The following HVCN1 variants were observed in gnomAD, a reference collection of about 807,000 sequenced individuals.
The protein encoded by HVCN1 is voltage-gated hydrogen channel 1.
Under a neutral mutation model 29.2 loss-of-function variants are expected in HVCN1, and 14 were observed. That is an observed-to-expected ratio of 0.48 (90% CI 0.32 to 0.75). The LOEUF (loss-of-function observed/expected upper bound fraction) is 0.75, where lower values mean the gene tolerates loss of function less well. HVCN1 is among the 30% of genes least tolerant of loss of function. HVCN1 has a pLI of 0.04. For missense variants in HVCN1, 263 were observed against 341.8 expected (o/e 0.77, Z 1.82); for synonymous variants, 131 against 133.2 (o/e 0.98, Z 0.11).
At chr12:110,677,996 A>G (rs758745089) in intron 3 of HVCN1, among the ~76,000 whole-genome samples, 5 of 152,252 alleles carry the variant, frequency 3.3e-5, no homozygotes, top group Non-Finnish European at 7.3e-5. Context: ...TAGGAACTGT[A>G]ATCATTCCAA....
chr12:110,680,585 CT>C (rs2068930714), intron 3 of HVCN1, among the ~76,000 whole-genome samples: 1 of 152,216 alleles, frequency 6.6e-6, no homozygotes, highest in Non-Finnish European at 1.5e-5. Flanking sequence ...CCATCTACCT[CT>C]TTCTCTCCCA....
At chr12:110,686,647 A>G (rs1484007530) in intron 2 of HVCN1, among the ~76,000 whole-genome samples, 1 of 152,232 alleles carries the variant, frequency 6.6e-6, no homozygotes, top group Non-Finnish European at 1.5e-5. Context: ...TTCAAGCAAC[A>G]GAAACTTTAA....
intron 3 of HVCN1, among the ~76,000 whole-genome samples, chr12:110,666,388 A>G (rs1351684852): frequency 6.6e-6 from 1 of 152,154 alleles, no homozygotes; most frequent in Admixed American, 6.5e-5. Flanking sequence ...GTGCCACTGC[A>G]CTCCAGCCTG....
At chr12:110,698,979 T>G (rs2069533446) in intron 2 of HVCN1, among the ~76,000 whole-genome samples, 1 of 152,028 alleles carries the variant, frequency 6.6e-6, no homozygotes, top group Non-Finnish European at 1.5e-5. Context: ...AATACAAAAA[T>G]TAGCCGGGCA....
rs763287076 is a variant in HVCN1 at position 110,651,305 on chromosome 12, G to C, written c.555C>G (p.Asp185Glu). ...GGTGCTCCTGGAACAGGAGGACAATGTCGAGGATGAATGAGACCACCACCA... is the reference window on the plus strand; with the variant it reads ...GGTGCTCCTGGAACAGGAGGACAATCTCGAGGATGAATGAGACCACCACCA... ...AVVVVVSFILDIVLLFQEHQF... is the reference protein window; with the variant it reads ...AVVVVVSFILEIVLLFQEHQF... Residue 185 changes from aspartate (D) to glutamate (E), a missense_variant, in exon 6 of 8, where the codon GAC (aspartate) becomes GAG (glutamate). Physicochemically the swap from Asp to Glu is conservative, Grantham distance 45 (BLOSUM62 2). Around this residue, in one of 3 missense-constraint regions of HVCN1, gnomAD observed 55 missense variants for 109.4 expected, o/e 0.50. Transcript: ENST00000242607. 16 of 1,614,058 alleles carry C rather than the reference G, an allele frequency of 9.9e-6. No individual in the cohort carries two copies. In the Admixed American group the frequency reaches 2.7e-4, roughly 27 times the overall value.
At chr12:110,693,029 C>A (rs2136500826), upstream of HVCN1, among the ~76,000 whole-genome samples, 1 of 152,052 alleles carries the variant, frequency 6.6e-6, no homozygotes, top group Middle Eastern at 3.4e-3. Context: ...CTGTACCCAG[C>A]TAATTTATTA....
chr12:110,661,463 C>A lies in HVCN1; in HGVS notation c.22-15G>T. On this transcript the variant is annotated splice_polypyrimidine_tract_variant and intron_variant, in intron 3 of 7. Transcript: ENST00000242607. The surrounding 1 kb of genome is among the most constrained non-coding windows in gnomAD (Gnocchi z 6.2). ...CGGGTGACTGCCTAGAAGGCGGGGA[C>A]AGAGAGCAAGAGCTTCAGGCAGTTG... The A allele has an allele frequency of 6.2e-7, 1 of 1,611,540 alleles. No individual in the cohort carries two copies. Among genetic ancestry groups the A allele is most frequent in the Non-Finnish European group, 8.5e-7 (1 of 1,178,310 alleles).
At position 110,658,978 on chromosome 12, in the gene HVCN1, G is replaced by C. The variant is rs1359371265; in HGVS notation, c.306+2186C>G. Reference sequence around the variant, plus strand: ...GGATATCCTGATGGGGCGGCCCAGGGCTCCCCTTGCAGCTGCAAGGAAGCT... The same window carrying C: ...GGATATCCTGATGGGGCGGCCCAGGCCTCCCCTTGCAGCTGCAAGGAAGCT... On this transcript the variant is annotated intron_variant, in intron 4 of 7. Transcript: ENST00000242607. This position sits in a 1 kb window ranked among gnomAD's most constrained non-coding sequence, Gnocchi z 5.0. Among the ~76,000 whole-genome samples the C allele has an allele frequency of 5.9e-5, 9 of 152,320 alleles. No homozygotes were observed. The highest frequency in any genetic ancestry group is 2.2e-4 in the African/African-American group (9 of 41,586).
At chr12:110,656,197 C>T (rs751541538) in intron 4 of HVCN1, among the ~76,000 whole-genome samples, 8 of 152,156 alleles carry the variant, frequency 5.3e-5, no homozygotes, top group Non-Finnish European at 8.8e-5. Flanking sequence ...CCTGGAGATG[C>T]GAGGTACCTG....
upstream of HVCN1, among the ~76,000 whole-genome samples, chr12:110,693,266 A>G (rs1168500699): frequency 6.6e-6 from 1 of 152,152 alleles, no homozygotes; most frequent in Non-Finnish European, 1.5e-5. Context: ...CTAACTGGCC[A>G]GGCGCGGTGG....
rs1391073743 is a variant in HVCN1 at position 110,661,531 on chromosome 12, C to T, written c.22-83G>A. ...TGGCCCAGGCCGGGCCAGGCCACTG[C>T]AGGTGAAGATGGTCCCGGGTGCGTA... On this transcript the variant is annotated intron_variant, in intron 3 of 7. Transcript: ENST00000242607. This position sits in a 1 kb window ranked among gnomAD's most constrained non-coding sequence, Gnocchi z 6.2. The T allele has an allele frequency of 1.4e-6, 2 of 1,388,608 alleles. No individual in the cohort carries two copies. Among genetic ancestry groups the T allele is most frequent in the African/African-American group, 2.8e-5 (2 of 70,386 alleles). The allele number at this position is 1,388,608 out of a possible 1,614,324, so 86.0% of individuals were successfully genotyped here.
intron 2 of HVCN1, among the ~76,000 whole-genome samples, chr12:110,684,586 G>T (rs775690791): frequency 6.6e-6 from 1 of 152,158 alleles, no homozygotes; most frequent in Non-Finnish European, 1.5e-5. Context: ...TAAGTCAAAA[G>T]AAATACAGAT....
chr12:110,665,109 T>A (rs1233944629), intron 3 of HVCN1, among the ~76,000 whole-genome samples: 1 of 152,108 alleles, frequency 6.6e-6, no homozygotes, highest in Non-Finnish European at 1.5e-5. Context: ...CCAAGTAAAT[T>A]TACTGCCTGT....
chr12:110,652,689 A>G (rs1213017904), intron 5 of HVCN1, among the ~76,000 whole-genome samples: 2 of 152,264 alleles, frequency 1.3e-5, no homozygotes, highest in Non-Finnish European at 2.9e-5. Context: ...ATGGGAAAAC[A>G]GGGAAGTGCT....
chr12:110,674,589 T>G (rs1200447018), intron 3 of HVCN1, among the ~76,000 whole-genome samples: 1 of 152,178 alleles, frequency 6.6e-6, no homozygotes. Flanking sequence ...GGGAGGTAAT[T>G]GAATCATGGG....
intron 3 of HVCN1, among the ~76,000 whole-genome samples, chr12:110,665,911 C>A (rs2068329989): frequency 6.6e-6 from 1 of 151,580 alleles, no homozygotes; most frequent in Non-Finnish European, 1.5e-5. Flanking sequence ...GAGGCTGAGG[C>A]AGGAGAATCA....
chr12:110,702,370 A>G (rs1010692606), exon 2 of HVCN1: 2 of 152,200 alleles, frequency 1.3e-5, no homozygotes, highest in African/African-American at 2.4e-5. Flanking sequence ...GATGCTTGCA[A>G]ATAAGCATTT....
At position 110,661,705 on chromosome 12, in the gene HVCN1, A is replaced by G. The variant is rs1343319012; in HGVS notation, c.22-257T>C. Among the ~76,000 whole-genome samples the G allele has an allele frequency of 1.3e-5, 2 of 152,208 alleles. No homozygotes were observed. The highest frequency in any genetic ancestry group is 2.9e-5 in the Non-Finnish European group (2 of 68,036). Reference sequence around the variant, plus strand: ...GGTCTGGTTGGCAGTAACCAACGGAATCAGTACTGCAGCCCGGTCCCAAAA... The same window carrying G: ...GGTCTGGTTGGCAGTAACCAACGGAGTCAGTACTGCAGCCCGGTCCCAAAA... On this transcript the variant is annotated intron_variant, in intron 3 of 7. Coordinates refer to ENST00000242607, the MANE Select transcript of HVCN1 (RefSeq NM_032369.4). The surrounding 1 kb of genome is among the most constrained non-coding windows in gnomAD (Gnocchi z 6.2).
At chr12:110,657,015 C>T (rs931068974) in intron 4 of HVCN1, among the ~76,000 whole-genome samples, 5 of 152,148 alleles carry the variant, frequency 3.3e-5, no homozygotes, top group Admixed American at 1.3e-4. Flanking sequence ...TTCTGACCCC[C>T]GCTCCTATGA....
Sources: gnomAD v4.1 joint callset for allele counts (sites outside exome capture counted in the v4.1 genomes callset) on GRCh38, gnomAD v4.1.1 for gene constraint, gnomAD v4.1.1 regional missense constraint, Gnocchi (gnomAD v3.1) non-coding constraint, MANE v1.5 for transcripts, NCBI Gene and HGNC (gene_info 2026-07-23, HGNC 2026-07-21) for gene names.